VWF: variants seen among roughly 807,000 people sequenced by gnomAD.
VWF encodes von Willebrand factor, also known as Factor VIII related antigen.
In VWF, 176 loss-of-function variants were observed where a neutral mutation model predicts 308.6. That is an observed-to-expected ratio of 0.57 (90% CI 0.50 to 0.65). The LOEUF (loss-of-function observed/expected upper bound fraction) is 0.65, where lower values mean the gene tolerates loss of function less well. Among genes scored for constraint, VWF ranks in the 30% least tolerant of loss-of-function variants. The probability of loss-of-function intolerance (pLI) is 0.00; values close to 1 mark genes in which losing one functional copy is unlikely to be tolerated. For missense variants in VWF, 3,146 were observed against 3,648.2 expected, an observed-to-expected ratio of 0.86 and a Z score of 3.55; for synonymous variants, 1,385 against 1,443.4, an observed-to-expected ratio of 0.96 and a Z score of 0.92.
chr12:5,957,288 T>C (rs1346725811), intron 47 of VWF, among the ~76,000 whole-genome samples: 1 of 152,098 alleles, frequency 6.6e-6, no homozygotes, highest in East Asian at 1.9e-4. Context: ...ATATCCCCAT[T>C]GTTAAGCAAC....
intron 6 of VWF, among the ~76,000 whole-genome samples, chr12:6,087,601 G>A (rs749873652): frequency 5.3e-5 from 8 of 150,684 alleles, no homozygotes; most frequent in African/African-American, 1.5e-4. Context: ...TCCTGACCTC[G>A]TGATCCGCCC....
intron 23 of VWF, 68 bp from the exon 24 acceptor site, chr12:6,025,761 T>G (rs960516345): frequency 6.7e-7 from 1 of 1,484,732 alleles, no homozygotes; most frequent in African/African-American, 1.4e-5. Context: ...CCCAGAAGGA[T>G]CCAAGAGACC....
intron 40 of VWF, among the ~76,000 whole-genome samples, chr12:5,984,374 T>G (rs216872): frequency 6.6e-6 from 1 of 152,126 alleles, no homozygotes; most frequent in Non-Finnish European, 1.5e-5. Flanking sequence ...ATCAATTTCA[T>G]GAGTACAAAT....
chr12:6,066,630 T>A (rs192229623), intron 10 of VWF, among the ~76,000 whole-genome samples: 1 of 152,362 alleles, frequency 6.6e-6, no homozygotes, highest in Non-Finnish European at 1.5e-5. Flanking sequence ...GGGGAACAGA[T>A]GCTAGACCAA....
chr12:6,006,839 A>G (rs1713351251), intron 34 of VWF, among the ~76,000 whole-genome samples: 2 of 152,226 alleles, frequency 1.3e-5, no homozygotes, highest in African/African-American at 4.8e-5. Context: ...TGCTGTCTAC[A>G]AGAGAGAGAC....
At chr12:6,002,292 A>G (rs1943879741) in intron 34 of VWF, among the ~76,000 whole-genome samples, 1 of 151,950 alleles carries the variant, frequency 6.6e-6, no homozygotes, top group Admixed American at 6.5e-5. Context: ...ATAAATTGAA[A>G]TCTTGATTTT....
intron 5 of VWF, 21 bp downstream of exon 5, chr12:6,110,353 T>C (rs1301370909): frequency 1.9e-6 from 3 of 1,612,152 alleles, no homozygotes; most frequent in East Asian, 4.5e-5. Flanking sequence ...TTTAGGGAAA[T>C]GGTATCCCAG....
At position 5,976,269 on chromosome 12, in the gene VWF, A is replaced by G. The variant is rs1348526788; in HGVS notation, c.7288-9T>C. 4 of 1,614,046 alleles carry G rather than the reference A, an allele frequency of 2.5e-6. No homozygotes were observed. The highest frequency in any genetic ancestry group is 2.7e-5 in the African/African-American group (2 of 74,936). On this transcript the variant is annotated splice_polypyrimidine_tract_variant and intron_variant, in intron 42 of 51. Coordinates refer to ENST00000261405, the MANE Select transcript of VWF (RefSeq NM_000552.5). ...CTTCGGTGGACACACACCTGTAGAC[A>G]TAAGTTTTCGTGAGTGAACTCATTT...
intron 6 of VWF, among the ~76,000 whole-genome samples, chr12:6,082,554 C>T (rs1459675982): frequency 6.6e-6 from 1 of 152,220 alleles, no homozygotes; most frequent in East Asian, 1.9e-4. Flanking sequence ...TGAACTGTAA[C>T]CTAACTGGAG....
intron 14 of VWF, 24 bp downstream of exon 14, chr12:6,057,825 T>C (rs771375456): frequency 2.5e-6 from 4 of 1,590,916 alleles, no homozygotes; most frequent in African/African-American, 1.3e-5. Flanking sequence ...GCGAGGTCCC[T>C]GCCTTGCCCC....
rs200642838 is a variant in VWF, at chr12:5,996,086, G to A, written c.5979C>T (p.Cys1993=). 2.5e-6 allele frequency: 4 copies of A among 1,613,918 alleles called. No homozygotes were observed. Among genetic ancestry groups the A allele is most frequent in the Non-Finnish European group, 3.4e-6 (4 of 1,180,016 alleles). ...DLEVILHNGA[C]SPGARQGCMK... is the part of the protein sequence containing the mutation. ...TGCAGCCCTGCCTTGCTCCAGGGCT[G>A]CAGGCACCATTATGGAGAATCACCT... Residue 1993 remains cysteine (C), a synonymous_variant, in exon 35 of 52, where the codon TGC becomes TGT. Coordinates refer to ENST00000261405, the MANE Select transcript of VWF (RefSeq NM_000552.5).
intron 31 of VWF, 46 bp downstream of exon 31, chr12:6,016,043 T>G: frequency 6.2e-7 from 1 of 1,613,180 alleles, no homozygotes; most frequent in Non-Finnish European, 8.5e-7. Flanking sequence ...CTATCATTTC[T>G]GAAGTCTCGC....
At chr12:6,040,853 C>A (rs1479540900) in intron 18 of VWF, among the ~76,000 whole-genome samples, 1 of 152,176 alleles carries the variant, frequency 6.6e-6, no homozygotes, top group Non-Finnish European at 1.5e-5. Flanking sequence ...GAGAGGGGTT[C>A]TTTCTCTGCC....
intron 47 of VWF, 28 bp downstream of exon 47, chr12:5,967,458 C>T: frequency 6.2e-7 from 1 of 1,603,944 alleles, no homozygotes; most frequent in South Asian, 1.1e-5. Context: ...CCAGTCCATG[C>T]CCTCGGTCCC....
intron 40 of VWF, among the ~76,000 whole-genome samples, chr12:5,984,005 T>C (rs796837016): frequency 2.3e-5 from 3 of 130,986 alleles, no homozygotes; most frequent in Non-Finnish European, 5.0e-5. Flanking sequence ...GATAGATAGA[T>C]AGATAGATAG....
chr12:6,056,845 G>C lies in VWF; in HGVS notation c.1945+12C>G. 3 of 1,381,890 alleles carry C rather than the reference G, an allele frequency of 2.2e-6. No individual in the cohort carries two copies. Among genetic ancestry groups the C allele is most frequent in the Non-Finnish European group, 2.8e-6 (3 of 1,078,466 alleles). 85.6% of individuals were successfully genotyped at this position (1,381,890 alleles called of 1,614,324 possible). On this transcript the variant is annotated intron_variant, in intron 15 of 51. Coordinates refer to ENST00000261405, the MANE Select transcript of VWF (RefSeq NM_000552.5). ...GGCGGCCCGGAGGGCTGCGGGCAGG[G>C]AGGGCACGCACCACAGCGGCCTGGC...
At chr12:5,983,402 G>GATAGATAGATAA (rs1943631637) in intron 40 of VWF, 148 bp from the exon 41 acceptor site, 2 of 386,000 alleles carry the variant, frequency 5.2e-6, no homozygotes, top group Admixed American at 1.1e-4. Context: ...CATGGGTTAG[G>GATAGATAGATAA]ATAGATAGAT....
At position 6,065,216 on chromosome 12, in the gene VWF, G is replaced by T; in HGVS notation, c.1214C>A (p.Thr405Asn). 1.2e-6 allele frequency: 2 copies of T among 1,614,212 alleles called. No homozygotes were observed. The highest frequency in any genetic ancestry group is 1.1e-5 in the South Asian group (1 of 91,078). The part of the protein sequence containing the change: ...HFKSFDNRYF[T>N]FSGICQYLLA... ...CAGGTACTGGCAGATCCCACTGAAG[G>T]TGAAGTATCTGTTGTCAAAGCTCTT... The change falls in exon 11 of 52, where the codon ACC becomes AAC. Residue 405 changes from threonine to asparagine, a missense_variant. Physicochemically the swap from Thr to Asn is moderately conservative, Grantham distance 65. Around this residue, in one of 3 missense-constraint regions of VWF, gnomAD observed 1,304 missense variants for 1,353.0 expected, o/e 0.96. Transcript: ENST00000261405.
intron 47 of VWF, among the ~76,000 whole-genome samples, chr12:5,958,420 C>T (rs1416621304): frequency 4.6e-5 from 7 of 152,304 alleles, no homozygotes; most frequent in African/African-American, 1.7e-4. Flanking sequence ...AGTGAGGTGG[C>T]TTCATGCCCG....
Sources: gnomAD v4.1 joint callset for allele counts (sites outside exome capture counted in the v4.1 genomes callset) on GRCh38, gnomAD v4.1.1 for gene constraint, gnomAD v4.1.1 regional missense constraint, MANE v1.5 for transcripts, NCBI Gene and HGNC (gene_info 2026-07-23, HGNC 2026-07-21) for gene names.